Variants in PRKN observed in about 807,000 individuals in gnomAD.
PRKN encodes the protein E3 ubiquitin-protein ligase parkin.
A neutral mutation model predicts 59.5 loss-of-function variants in PRKN; 56 were observed. The observed-to-expected ratio is 0.94, with a 90% CI of 0.76 to 1.18. The LOEUF (loss-of-function observed/expected upper bound fraction) is 1.18, where lower values mean the gene tolerates loss of function less well. Ranked by LOEUF, PRKN falls within the 50% of genes most tolerant of loss-of-function variation. The pLI is 0.00. For missense variants in PRKN, 657 were observed against 596.4 expected (o/e 1.10, Z -1.06); for synonymous variants, 250 against 222.1 (o/e 1.13, Z -1.12).
Position 162,604,005 on chromosome 6 carries a change from T to C in PRKN, c.7+123657A>G, listed in dbSNP as rs549993678. ...TACCAAGCAGAGGCTCACGAACACT[T>C]TTCAGCAGAGTTATTAACCAAGTCA... is the stretch of plus-strand genomic sequence containing the variant. On this transcript the variant is annotated intron_variant, in intron 1 of 11. Coordinates refer to ENST00000366898, the MANE Select transcript of PRKN (RefSeq NM_004562.3). Among the ~76,000 whole-genome samples, 6 of 152,240 alleles carry C rather than the reference T, an allele frequency of 3.9e-5. 1 individual carries two copies. In the South Asian group the frequency reaches 1.2e-3, roughly 32 times the overall value.
At chr6:161,537,360 T>G (rs1779449014) in intron 9 of PRKN, among the ~76,000 whole-genome samples, 1 of 152,222 alleles carries the variant, frequency 6.6e-6, no homozygotes, top group Non-Finnish European at 1.5e-5. Context: ...GACTGGACTA[T>G]CTCTTCTATT....
At chr6:161,479,238 C>T (rs16892589) in intron 9 of PRKN, among the ~76,000 whole-genome samples, 1,740 of 152,162 alleles carry the variant, frequency 0.011, 31 homozygotes, top group African/African-American at 0.04. Flanking sequence ...ATATTTAGTA[C>T]GTACATGCCC....
chr6:162,605,271 A>AT (rs1337042710), intron 1 of PRKN, among the ~76,000 whole-genome samples: 1 of 152,092 alleles, frequency 6.6e-6, no homozygotes, highest in Non-Finnish European at 1.5e-5. Context: ...TTCTCAATAT[A>AT]TTTTTGGTCT....
intron 6 of PRKN, among the ~76,000 whole-genome samples, chr6:161,960,231 T>A (rs1373882351): frequency 6.6e-6 from 1 of 152,166 alleles, no homozygotes; most frequent in Non-Finnish European, 1.5e-5. Flanking sequence ...AAGAAGATGC[T>A]CTTATTATCT....
chr6:161,710,927 C>CTCTT, intron 7 of PRKN, among the ~76,000 whole-genome samples: 1 of 139,706 alleles, frequency 7.2e-6, no homozygotes, highest in South Asian at 2.5e-4. Flanking sequence ...CCTTCCTCAC[C>CTCTT]CCTTCCTTCC....
chr6:162,456,909 T>C (rs10945837), intron 1 of PRKN, among the ~76,000 whole-genome samples: 39,239 of 152,068 alleles, frequency 0.26, 5,205 homozygotes, highest in African/African-American at 0.33. Flanking sequence ...CACTAGCCAG[T>C]ACTTCAGTAC....
At chr6:162,591,622 CT>C (rs1307331435) in intron 1 of PRKN, among the ~76,000 whole-genome samples, 1 of 151,748 alleles carries the variant, frequency 6.6e-6, no homozygotes, top group African/African-American at 2.4e-5. Context: ...AATATATAAG[CT>C]TTTTTTTCCA....
chr6:161,860,798 A>G (rs1033880579), intron 6 of PRKN, among the ~76,000 whole-genome samples: 1 of 152,230 alleles, frequency 6.6e-6, no homozygotes, highest in African/African-American at 2.4e-5. Context: ...TCAAAAGAAG[A>G]CATTTATGTG....
chr6:161,354,984 G>A lies in PRKN; in HGVS notation c.1286-4773C>T, dbSNP rs895104155. On this transcript the variant is annotated intron_variant, in intron 11 of 11. Coordinates refer to ENST00000366898, the MANE Select transcript of PRKN (RefSeq NM_004562.3). The surrounding 1 kb of genome is among the most constrained non-coding windows in gnomAD (Gnocchi z 6.7). Reference sequence around the variant, plus strand: ...CATGTTCTGAGTCCAGGGCAGATCCGATGAATAATTTTCCTGCTTCTCATC... The same window carrying A: ...CATGTTCTGAGTCCAGGGCAGATCCAATGAATAATTTTCCTGCTTCTCATC... Among the ~76,000 whole-genome samples, 8 of 152,184 alleles carry A rather than the reference G, an allele frequency of 5.3e-5. No individual in the cohort carries two copies. The highest frequency in any genetic ancestry group is 1.2e-4 in the Non-Finnish European group (8 of 68,026).
Position 162,571,996 on chromosome 6 carries a change from A to G in PRKN, c.8-128523T>C, listed in dbSNP as rs371231297. On this transcript the variant is annotated intron_variant, in intron 1 of 11. Coordinates refer to ENST00000366898, the MANE Select transcript of PRKN (RefSeq NM_004562.3). ...TTAGACAAATTTGGAAAAAAAAACA[A>G]ACAGACATTCCAGATGCAAACCTAG... is the stretch of plus-strand genomic sequence containing the variant. 7.3e-4 allele frequency among the ~76,000 whole-genome samples: 111 copies of G among 152,204 alleles called. No homozygotes were observed. The East Asian group carries it at 0.01, about 14-fold the overall frequency.
intron 7 of PRKN, among the ~76,000 whole-genome samples, chr6:161,732,483 T>TGTGTGTGTG (rs1398832020): frequency 2.9e-4 from 41 of 140,250 alleles, no homozygotes; most frequent in African/African-American, 1.2e-3. Context: ...GGTTTTTTTT[T>TGTGTGTGTG]TTTGTGTGTG....
chr6:161,731,173 C>A (rs1172363451), intron 7 of PRKN, among the ~76,000 whole-genome samples: 2 of 152,234 alleles, frequency 1.3e-5, no homozygotes, highest in Non-Finnish European at 2.9e-5. Flanking sequence ...GTGTTGCATT[C>A]TGATATGTTT....
intron 7 of PRKN, among the ~76,000 whole-genome samples, chr6:161,765,371 G>C (rs1383363681): frequency 1.3e-5 from 2 of 152,142 alleles, no homozygotes; most frequent in East Asian, 3.9e-4. Context: ...TTAGCTGGTT[G>C]CAAATCTCAT....
intron 4 of PRKN, among the ~76,000 whole-genome samples, chr6:162,094,502 G>GTAAT (rs761222034): frequency 5.3e-5 from 8 of 151,932 alleles, no homozygotes; most frequent in Non-Finnish European, 7.4e-5. Context: ...AACAAATAAA[G>GTAAT]TAATTAATTA....
chr6:161,997,273 T>C (rs1781883621), intron 5 of PRKN, among the ~76,000 whole-genome samples: 1 of 152,098 alleles, frequency 6.6e-6, no homozygotes. Context: ...TAGGAAAACA[T>C]TAATTTTATG....
At chr6:162,682,095 A>C (rs1458479438) in intron 1 of PRKN, among the ~76,000 whole-genome samples, 1 of 152,174 alleles carries the variant, frequency 6.6e-6, no homozygotes, top group African/African-American at 2.4e-5. Flanking sequence ...GACTCAGTAA[A>C]TTTTATTTAT....
At chr6:161,764,292 G>A (rs146694314) in intron 7 of PRKN, among the ~76,000 whole-genome samples, 105 of 152,330 alleles carry the variant, frequency 6.9e-4, no homozygotes, top group African/African-American at 2.4e-3. Flanking sequence ...AGGGGAAGAA[G>A]CTTATCTATT....
intron 7 of PRKN, among the ~76,000 whole-genome samples, chr6:161,654,401 C>T (rs966110753): frequency 1.4e-4 from 21 of 151,996 alleles, no homozygotes; most frequent in East Asian, 3.9e-4. Context: ...AGGCCACTTC[C>T]GGGAGGACGC....
intron 4 of PRKN, among the ~76,000 whole-genome samples, chr6:162,086,159 T>A (rs1032667491): frequency 6.6e-6 from 1 of 152,188 alleles, no homozygotes; most frequent in Non-Finnish European, 1.5e-5. Flanking sequence ...TATTAACAAA[T>A]GATTCTTTAG....
Sources: allele counts gnomAD v4.1 joint callset (sites outside exome capture counted in the v4.1 genomes callset), GRCh38; gene constraint gnomAD v4.1.1; non-coding constraint Gnocchi (gnomAD v3.1); transcripts MANE v1.5; gene names NCBI Gene and HGNC (gene_info 2026-07-23, HGNC 2026-07-21).